BCL2: variants seen among roughly 807,000 people sequenced by gnomAD.
The protein encoded by BCL2 is apoptosis regulator Bcl-2.
Under a neutral mutation model 14.2 loss-of-function variants are expected in BCL2, and 1 was observed. The ratio of observed to expected loss-of-function variants is 0.07; its 90% CI spans 0.02 to 0.33. The LOEUF (loss-of-function observed/expected upper bound fraction) is 0.33. BCL2 is among the 10% of genes least tolerant of loss of function. The pLI, the probability that BCL2 is intolerant of heterozygous loss-of-function variation, is 0.99. For missense variants in BCL2, 247 were observed against 305.9 expected (o/e 0.81, Z 1.44); for synonymous variants, 151 against 137.2 (o/e 1.10, Z -0.70).
At chr18:63,257,174 T>C (rs1911503511) in intron 2 of BCL2, among the ~76,000 whole-genome samples, 1 of 152,198 alleles carries the variant, frequency 6.6e-6, no homozygotes, top group African/African-American at 2.4e-5. Context: ...ATGAAAAGCA[T>C]TGAAATCCAA....
intron 2 of BCL2, among the ~76,000 whole-genome samples, chr18:63,213,389 C>T (rs1206859982): frequency 2.0e-5 from 3 of 152,104 alleles, no homozygotes; most frequent in Non-Finnish European, 4.4e-5. Context: ...CACCACACCC[C>T]TCACTGCTGA....
chr18:63,294,201 G>A (rs1256691003), intron 2 of BCL2, among the ~76,000 whole-genome samples: 2 of 151,938 alleles, frequency 1.3e-5, no homozygotes, highest in South Asian at 2.1e-4. Flanking sequence ...CAACAGAAAC[G>A]ATGCCAGACT....
chr18:63,142,706 T>C (rs536478707), intron 2 of BCL2, among the ~76,000 whole-genome samples: 3 of 152,290 alleles, frequency 2.0e-5, no homozygotes, highest in South Asian at 2.1e-4. Context: ...AGAAGAACAA[T>C]TACATCCTCT....
At chr18:63,161,117 T>C (rs1914910320) in intron 2 of BCL2, among the ~76,000 whole-genome samples, 1 of 152,122 alleles carries the variant, frequency 6.6e-6, no homozygotes. Context: ...AACAATGTGG[T>C]TGAAAAGTTG....
At chr18:63,129,450 T>A (rs1457046403) in intron 2 of BCL2, among the ~76,000 whole-genome samples, 1 of 152,096 alleles carries the variant, frequency 6.6e-6, no homozygotes, top group Non-Finnish European at 1.5e-5. Flanking sequence ...GGCTAATTTT[T>A]AAATTTTTTG....
At position 63,289,332 on chromosome 18, in the gene BCL2, C is replaced by T. The variant is rs545401487; in HGVS notation, c.585+28750G>A. ...GATTTAGAAATCAGCGGGGTCACTC[C>T]CAACAGGGATACTGTCATCCTGAAG... is the stretch of plus-strand genomic sequence containing the variant. On this transcript the variant is annotated intron_variant, in intron 2 of 2. Transcript: ENST00000333681. Among the ~76,000 whole-genome samples the T allele has an allele frequency of 4.3e-4, 65 of 152,170 alleles. 2 individuals carry two copies. The highest frequency in any genetic ancestry group is 2.6e-4 in the Admixed American group (4 of 15,282).
chr18:63,281,881 T>C (rs1912331686), intron 2 of BCL2, among the ~76,000 whole-genome samples: 1 of 152,144 alleles, frequency 6.6e-6, no homozygotes, highest in Admixed American at 6.5e-5. Context: ...AGGCTGACGG[T>C]TTGTTTATTT....
intron 2 of BCL2, among the ~76,000 whole-genome samples, chr18:63,153,066 G>T (rs8097624): frequency 0.082 from 12,528 of 152,168 alleles, 1,161 homozygotes; most frequent in African/African-American, 0.23. Flanking sequence ...AGTAGCATTG[G>T]AGAGGAAAGA....
At chr18:63,190,412 ATCTACATCTTCTC>A (rs940746912) in intron 2 of BCL2, among the ~76,000 whole-genome samples, 1 of 152,236 alleles carries the variant, frequency 6.6e-6, no homozygotes, top group African/African-American at 2.4e-5. Context: ...TTGAAACTTA[ATCTACATCTTCTC>A]TCTAAATTAA....
intron 2 of BCL2, among the ~76,000 whole-genome samples, chr18:63,208,697 C>A (rs1909913943): frequency 6.6e-6 from 1 of 152,110 alleles, no homozygotes; most frequent in South Asian, 2.1e-4. Context: ...AACTATCGGG[C>A]TAAGGAAAGC....
At chr18:63,271,620 T>A (rs1393896055) in intron 2 of BCL2, among the ~76,000 whole-genome samples, 3 of 152,072 alleles carry the variant, frequency 2.0e-5, no homozygotes, top group African/African-American at 7.2e-5. Context: ...ACTATTCCAA[T>A]CCCCATCCCA....
At chr18:63,146,395 C>A (rs757433247) in intron 2 of BCL2, among the ~76,000 whole-genome samples, 1 of 152,226 alleles carries the variant, frequency 6.6e-6, no homozygotes, top group African/African-American at 2.4e-5. Context: ...CCTGAGCCCC[C>A]CAAGAAATGG....
At chr18:63,207,514 G>T (rs954066528) in intron 2 of BCL2, 15 of 151,868 alleles carry the variant, frequency 9.9e-5, no homozygotes, top group Non-Finnish European at 1.9e-4. Flanking sequence ...AACTCTGATT[G>T]TTCCAGACTG....
At chr18:63,128,794 G>C in intron 2 of BCL2, 35 bp from the exon 3 acceptor site, 2 of 758,732 alleles carry the variant, frequency 2.6e-6, no homozygotes, top group Non-Finnish European at 4.9e-6. Context: ...GAAAAAGAAA[G>C]AGTATTAGAG....
chr18:63,275,584 G>A (rs747538060), intron 2 of BCL2, among the ~76,000 whole-genome samples: 12 of 152,112 alleles, frequency 7.9e-5, no homozygotes, highest in Non-Finnish European at 1.5e-4. Flanking sequence ...TCATATTGTC[G>A]AAAAATAAAA....
At chr18:63,264,581 G>GT (rs1911761313) in intron 2 of BCL2, among the ~76,000 whole-genome samples, 1 of 152,176 alleles carries the variant, frequency 6.6e-6, no homozygotes. Flanking sequence ...TCCCTGCACT[G>GT]TCTCCAAATT....
intron 2 of BCL2, among the ~76,000 whole-genome samples, chr18:63,174,019 T>C (rs1915291200): frequency 6.6e-6 from 1 of 152,208 alleles, no homozygotes; most frequent in Non-Finnish European, 1.5e-5. Flanking sequence ...CTAAGTTTCT[T>C]GTGTTTGTGA....
chr18:63,199,140 C>A (rs916599215), intron 2 of BCL2, among the ~76,000 whole-genome samples: 3 of 150,236 alleles, frequency 2.0e-5, no homozygotes, highest in Non-Finnish European at 4.5e-5. Context: ...GGCACAGACA[C>A]AGAGACGCAG....
At chr18:63,300,367 C>T (rs1912928157) in intron 2 of BCL2, among the ~76,000 whole-genome samples, 1 of 151,608 alleles carries the variant, frequency 6.6e-6, no homozygotes. Flanking sequence ...AGAGAAGGTG[C>T]CATTTGGCCT....
Sources: gnomAD v4.1 joint callset for allele counts (sites outside exome capture counted in the v4.1 genomes callset) on GRCh38, gnomAD v4.1.1 for gene constraint, MANE v1.5 for transcripts, NCBI Gene and HGNC (gene_info 2026-07-23, HGNC 2026-07-21) for gene names.